Variants in MED12L observed in about 807,000 individuals in gnomAD.
MED12L encodes the protein mediator of RNA polymerase II transcription subunit 12-like protein.
Under a neutral mutation model 281.3 loss-of-function variants are expected in MED12L, and 60 were observed. The ratio of observed to expected loss-of-function variants is 0.21; its 90% CI spans 0.17 to 0.26. The LOEUF (loss-of-function observed/expected upper bound fraction) is 0.26. MED12L is among the 10% of genes least tolerant of loss of function. The pLI is 1.00. For synonymous variants in MED12L, 974 were observed against 987.2 expected, an observed-to-expected ratio of 0.99 and a Z score of 0.25; for missense variants, 2,146 against 2,680.9, an observed-to-expected ratio of 0.80 and a Z score of 4.41.
intron 16 of MED12L, chr3:151,198,506 G>T: frequency 1.2e-6 from 2 of 1,613,682 alleles, no homozygotes; most frequent in Non-Finnish European, 1.7e-6. Context: ...AGTGACCTTT[G>T]AGCGGAATGC....
intron 16 of MED12L, among the ~76,000 whole-genome samples, chr3:151,230,295 G>C (rs996527105): frequency 1.3e-5 from 2 of 152,182 alleles, no homozygotes; most frequent in African/African-American, 4.8e-5. Context: ...TTGAATATGC[G>C]TGTCTGTTTT....
chr3:151,285,032 A>G (rs993964516), intron 16 of MED12L, among the ~76,000 whole-genome samples: 2 of 152,170 alleles, frequency 1.3e-5, no homozygotes, highest in African/African-American at 4.8e-5. Flanking sequence ...TCTAATATTT[A>G]TGTGTTGATA....
At chr3:151,135,412 A>G (rs1214410024) in intron 5 of MED12L, among the ~76,000 whole-genome samples, 1 of 152,274 alleles carries the variant, frequency 6.6e-6, no homozygotes. Flanking sequence ...ATAATATGCG[A>G]CAACTGCTAC....
intron 16 of MED12L, chr3:151,338,523 A>G (rs1355461721): frequency 1.2e-6 from 2 of 1,614,002 alleles, no homozygotes; most frequent in Admixed American, 3.3e-5. Context: ...ACTGATATAC[A>G]TTGTGAAATA....
intron 11 of MED12L, among the ~76,000 whole-genome samples, chr3:151,181,374 G>C (rs972558267): frequency 9.9e-5 from 15 of 151,448 alleles, no homozygotes; most frequent in Admixed American, 2.6e-4. Context: ...CTCATCATTA[G>C]TGCTTTTATA....
chr3:151,334,181 T>A (rs1302811786), intron 16 of MED12L, among the ~76,000 whole-genome samples: 1 of 77,462 alleles, frequency 1.3e-5, no homozygotes, highest in Non-Finnish European at 2.4e-5. Flanking sequence ...TTATGTGTTT[T>A]TTCTTTCTTT....
rs140237087 is a variant in MED12L, at chr3:151,199,188, A to G, written c.2250+5522A>G. 43 of 1,614,044 alleles carry G rather than the reference A, an allele frequency of 2.7e-5. No individual in the cohort carries two copies. The African/African-American group carries it at 4.9e-4, about 19-fold the overall frequency. On this transcript the variant is annotated intron_variant, in intron 16 of 44. Coordinates refer to ENST00000687756, the MANE Select transcript of MED12L (RefSeq NM_001393769.1). ...AAGTCAACAACAATTTTCACTGGTA[A>G]TGCCAGAGTAAGCAGGAAATCGGCT...
At chr3:151,356,111 G>A (rs1022110994) in intron 19 of MED12L, 72 bp downstream of exon 19, 49 of 1,472,688 alleles carry the variant, frequency 3.3e-5, no homozygotes, top group Non-Finnish European at 4.0e-5. Context: ...TTTAAAGTGA[G>A]CCAATTAGCT....
At chr3:151,166,041 T>G in intron 11 of MED12L, 59 bp downstream of exon 11, 1 of 1,480,068 alleles carries the variant, frequency 6.8e-7, no homozygotes, top group Non-Finnish European at 9.2e-7. Flanking sequence ...TTTTTCTTCT[T>G]TCTCATTCAG....
At chr3:151,338,724 A>G (rs1258199474) in intron 16 of MED12L, 3 of 1,613,528 alleles carry the variant, frequency 1.9e-6, no homozygotes, top group Non-Finnish European at 2.5e-6. Context: ...GCCATTTGTG[A>G]TAAGTCCAAC....
chr3:151,345,634 C>T (rs1752440757), intron 16 of MED12L, among the ~76,000 whole-genome samples: 1 of 151,278 alleles, frequency 6.6e-6, no homozygotes, highest in Non-Finnish European at 1.5e-5. Context: ...TTTCCTGCCT[C>T]AGCCTCCCGA....
intron 16 of MED12L, among the ~76,000 whole-genome samples, chr3:151,261,005 A>G (rs9757688): frequency 0.47 from 71,202 of 151,890 alleles, 16,827 homozygotes; most frequent in Middle Eastern, 0.65. Context: ...TGTGTGTTGC[A>G]GGGCAAGCAT....
intron 5 of MED12L, among the ~76,000 whole-genome samples, chr3:151,137,762 A>G (rs889397009): frequency 6.6e-6 from 1 of 152,132 alleles, no homozygotes; most frequent in African/African-American, 2.4e-5. Flanking sequence ...CTACAAACAT[A>G]TTGGCTTGAG....
intron 37 of MED12L, among the ~76,000 whole-genome samples, chr3:151,389,008 G>C (rs559049645): frequency 2.6e-5 from 4 of 152,294 alleles, no homozygotes; most frequent in Non-Finnish European, 5.9e-5. Flanking sequence ...TTACCTATGT[G>C]AGAACTAAAA....
chr3:151,382,596 A>G (rs1269688566), intron 32 of MED12L, 60 bp from the exon 33 acceptor site: 13 of 1,265,738 alleles, frequency 1.0e-5, no homozygotes, highest in African/African-American at 3.0e-5. Flanking sequence ...ATAAAGCTCA[A>G]TTTATCTTTA....
At chr3:151,266,804 A>C (rs1410856564) in intron 16 of MED12L, among the ~76,000 whole-genome samples, 1 of 152,212 alleles carries the variant, frequency 6.6e-6, no homozygotes, top group Non-Finnish European at 1.5e-5. Context: ...AGAGCAAAAA[A>C]GTGCTGTAGA....
intron 16 of MED12L, among the ~76,000 whole-genome samples, chr3:151,284,939 A>G (rs189937269): frequency 6.6e-6 from 1 of 152,214 alleles, no homozygotes; most frequent in Non-Finnish European, 1.5e-5. Flanking sequence ...TGAATGAGCC[A>G]TTTAAGGAAC....
At chr3:151,295,878 G>T (rs541542468) in intron 16 of MED12L, among the ~76,000 whole-genome samples, 1 of 152,296 alleles carries the variant, frequency 6.6e-6, no homozygotes, top group African/African-American at 2.4e-5. Context: ...ATACAGATCT[G>T]ACTTGCTGAT....
At chr3:151,389,148 G>T (rs1241113924) in intron 37 of MED12L, among the ~76,000 whole-genome samples, 2 of 152,154 alleles carry the variant, frequency 1.3e-5, no homozygotes. Context: ...CCTTTGTCTT[G>T]AAGGGAAGTT....
Sources: allele counts gnomAD v4.1 joint callset (sites outside exome capture counted in the v4.1 genomes callset), GRCh38; gene constraint gnomAD v4.1.1; transcripts MANE v1.5; gene names NCBI Gene and HGNC (gene_info 2026-07-23, HGNC 2026-07-21).